The following MKX variants were observed in gnomAD, a reference collection of about 807,000 sequenced individuals.
MKX encodes the protein mohawk homeobox.
Under a neutral mutation model 36.0 loss-of-function variants are expected in MKX, and 13 were observed. That is an observed-to-expected ratio of 0.36 (90% CI 0.24 to 0.57). The LOEUF (loss-of-function observed/expected upper bound fraction) is 0.57. Among genes scored for constraint, MKX ranks in the 20% least tolerant of loss-of-function variants. The pLI, the probability that MKX is intolerant of heterozygous loss-of-function variation, is 0.79. For missense variants in MKX, 458 were observed against 456.4 expected, an observed-to-expected ratio of 1.00 and a Z score of -0.03; for synonymous variants, 176 against 178.3, an observed-to-expected ratio of 0.99 and a Z score of 0.10.
intron 5 of MKX, among the ~76,000 whole-genome samples, chr10:27,694,525 A>T (rs867354436): frequency 3.9e-3 from 119 of 30,600 alleles, no homozygotes; most frequent in African/African-American, 8.2e-3. Context: ...CTAAAAAAAA[A>T]AAATATATAT....
intron 5 of MKX, among the ~76,000 whole-genome samples, chr10:27,717,173 C>T (rs763764780): frequency 5.3e-5 from 8 of 152,066 alleles, no homozygotes; most frequent in Non-Finnish European, 7.4e-5. Context: ...TAAGCTTGTA[C>T]GTGGGTTCTC....
In MKX at chr10:27,701,827, GTATA is replaced by G. The variant is rs10609979; in HGVS notation, c.839-26277_839-26274del. Among the ~76,000 whole-genome samples, 75 of 145,496 alleles carry G rather than the reference GTATA, an allele frequency of 5.2e-4. 1 individual carries two copies. Among genetic ancestry groups the G allele is most frequent in the East Asian group, 4.2e-3 (21 of 5,006 alleles). ...ACAGTTATTTTGTGTGTGTGTGTGT[GTATA>G]TATATATATATATATACACAAAGAA... On this transcript the variant is annotated intron_variant, in intron 5 of 6. Coordinates refer to ENST00000419761, the MANE Select transcript of MKX (RefSeq NM_173576.3).
intron 5 of MKX, among the ~76,000 whole-genome samples, chr10:27,726,800 C>A (rs1834500500): frequency 6.7e-6 from 1 of 149,086 alleles, no homozygotes; most frequent in Admixed American, 6.7e-5. Flanking sequence ...TCCTCTTGTT[C>A]TGTTCACAGA....
chr10:27,682,404 A>C (rs1482111144), intron 5 of MKX, among the ~76,000 whole-genome samples: 1 of 152,216 alleles, frequency 6.6e-6, no homozygotes, highest in African/African-American at 2.4e-5. Flanking sequence ...GTGTTTATAA[A>C]GTCTACAGTA....
Position 27,690,138 on chromosome 10 carries a change from C to T in MKX, c.839-14584G>A, listed in dbSNP as rs537293890. Among the ~76,000 whole-genome samples the T allele has an allele frequency of 2.0e-4, 31 of 152,192 alleles. No homozygotes were observed. The South Asian group carries it at 2.9e-3, about 14-fold the overall frequency. Reference sequence around the variant, plus strand: ...TTGTAATCCCAGCACTTTGGGAGGCCGAGGCCAGCAGATCACGAGGTCAGG... The same window carrying T: ...TTGTAATCCCAGCACTTTGGGAGGCTGAGGCCAGCAGATCACGAGGTCAGG... On this transcript the variant is annotated intron_variant, in intron 5 of 6. Transcript: ENST00000419761.
Position 27,675,171 on chromosome 10 carries a change from T to G in MKX, c.*58A>C. 7.8e-6 allele frequency: 12 copies of G among 1,533,938 alleles called. No individual in the cohort carries two copies. The highest frequency in any genetic ancestry group is 1.4e-5 in the African/African-American group (1 of 72,946). ...TTCATCCCTGCTTCGGCTCTTAGGA[T>G]GAGGGTTGATGAAAACACCGGAAAG... is the stretch of plus-strand genomic sequence containing the variant. On this transcript the variant is annotated 3_prime_UTR_variant, in exon 7 of 7. Transcript: ENST00000419761.
chr10:27,682,892 T>G (rs1013646440), intron 5 of MKX, among the ~76,000 whole-genome samples: 23 of 151,592 alleles, frequency 1.5e-4, no homozygotes, highest in Middle Eastern at 3.4e-3. Flanking sequence ...GGCAAGAGAA[T>G]CGCTTGAACC....
intron 5 of MKX, among the ~76,000 whole-genome samples, chr10:27,680,625 G>A (rs1237294387): frequency 6.6e-6 from 1 of 152,066 alleles, no homozygotes; most frequent in Non-Finnish European, 1.5e-5. Context: ...TATATTTGTA[G>A]CCATAAAAAG....
chr10:27,738,810 G>A (rs1834832928), intron 3 of MKX, among the ~76,000 whole-genome samples: 1 of 152,048 alleles, frequency 6.6e-6, no homozygotes, highest in Admixed American at 6.5e-5. Context: ...TGAACACACT[G>A]AATTAACGAA....
intron 3 of MKX, among the ~76,000 whole-genome samples, chr10:27,736,299 T>C (rs1408096284): frequency 6.6e-6 from 1 of 152,190 alleles, no homozygotes; most frequent in Non-Finnish European, 1.5e-5. Flanking sequence ...CTCCTCACTT[T>C]AAGCCAAAAG....
intron 5 of MKX, among the ~76,000 whole-genome samples, chr10:27,696,390 G>A (rs1836555419): frequency 6.6e-6 from 1 of 152,138 alleles, no homozygotes; most frequent in South Asian, 2.1e-4. Context: ...TGCAAACATT[G>A]TTTTTGTAGA....
At position 27,735,210 on chromosome 10, in the gene MKX, T is replaced by C; in HGVS notation, c.502+11A>G. ...CAAAACAAAGAAAGCAAAATAAAAATATTAACAAACCTTCAGAACATGAGT... is the reference window on the plus strand; with the variant it reads ...CAAAACAAAGAAAGCAAAATAAAAACATTAACAAACCTTCAGAACATGAGT... On this transcript the variant is annotated intron_variant, in intron 4 of 6. Transcript: ENST00000419761. The C allele has an allele frequency of 2.6e-6, 4 of 1,531,110 alleles. No homozygotes were observed. The highest frequency in any genetic ancestry group is 3.5e-6 in the Non-Finnish European group (4 of 1,140,422). The allele number at this position is 1,531,110 out of a possible 1,614,324, so 94.8% of individuals were successfully genotyped here. A position where few individuals can be genotyped will look rare whatever the true frequency, so the allele number is the denominator to read the frequency against.
chr10:27,695,915 T>C (rs1369688222), intron 5 of MKX, among the ~76,000 whole-genome samples: 1 of 152,180 alleles, frequency 6.6e-6, no homozygotes, highest in East Asian at 1.9e-4. Flanking sequence ...GAGTTTATGA[T>C]TAATTGAAGA....
intron 5 of MKX, among the ~76,000 whole-genome samples, chr10:27,689,303 A>AG (rs1189796600): frequency 6.6e-6 from 1 of 152,198 alleles, no homozygotes; most frequent in East Asian, 1.9e-4. Context: ...TTACTACTAG[A>AG]AAAAACCCCC....
chr10:27,724,669 A>G (rs1834449191), intron 5 of MKX, among the ~76,000 whole-genome samples: 1 of 151,966 alleles, frequency 6.6e-6, no homozygotes, highest in African/African-American at 2.4e-5. Flanking sequence ...TGTTATGTAC[A>G]AGGCAGAGGG....
intron 5 of MKX, among the ~76,000 whole-genome samples, chr10:27,727,485 A>C (rs570813203): frequency 3.9e-5 from 6 of 152,388 alleles, no homozygotes; most frequent in African/African-American, 1.4e-4. Flanking sequence ...TGTAATTTTC[A>C]AACATCAAAT....
At chr10:27,692,013 TACAA>T (rs1340762129) in intron 5 of MKX, among the ~76,000 whole-genome samples, 1 of 152,224 alleles carries the variant, frequency 6.6e-6, no homozygotes, top group Non-Finnish European at 1.5e-5. Flanking sequence ...GCGATGAATA[TACAA>T]ATGCATGTGT....
At chr10:27,718,606 C>T (rs978230593) in intron 5 of MKX, 1 of 441,628 alleles carries the variant, frequency 2.3e-6, no homozygotes, top group Non-Finnish European at 4.5e-6. Context: ...ACTGGAAAGA[C>T]AAAAAGAAAA....
rs1160846438 is a variant in MKX at position 27,745,698 on chromosome 10, G to A, written c.-83+9C>T. 6.6e-6 allele frequency: 1 copy of A among 152,536 alleles called. No individual in the cohort carries two copies. Among genetic ancestry groups the A allele is most frequent in the Non-Finnish European group, 1.5e-5 (1 of 68,110 alleles). 9.4% of individuals were successfully genotyped at this position (152,536 alleles called of 1,614,324 possible). On this transcript the variant is annotated intron_variant, in intron 1 of 6. Coordinates refer to ENST00000419761, the MANE Select transcript of MKX (RefSeq NM_173576.3). ...AGCCGGCTGAGACTCGGCGACGCGG[G>A]GGCTGTACCTGTGGCTGCGGGGCCG... is the stretch of plus-strand genomic sequence containing the variant.
Sources: allele counts gnomAD v4.1 joint callset (sites outside exome capture counted in the v4.1 genomes callset), GRCh38; gene constraint gnomAD v4.1.1; transcripts MANE v1.5; gene names NCBI Gene and HGNC (gene_info 2026-07-23, HGNC 2026-07-21).